ERC1: variants seen among roughly 807,000 people sequenced by gnomAD.
The protein encoded by ERC1 is RAB6 interacting protein 2.
Under a neutral mutation model 132.0 loss-of-function variants are expected in ERC1, and 56 were observed. That is an observed-to-expected ratio of 0.42 (90% CI 0.34 to 0.53). The LOEUF (loss-of-function observed/expected upper bound fraction) is 0.53, where lower values mean the gene tolerates loss of function less well. Among genes scored for constraint, ERC1 ranks in the 20% least tolerant of loss-of-function variants. ERC1 has a pLI of 0.03. For synonymous variants in ERC1, 478 were observed against 476.1 expected, an observed-to-expected ratio of 1.00 and a Z score of -0.05; for missense variants, 1,202 against 1,349.9, an observed-to-expected ratio of 0.89 and a Z score of 1.72.
intron 18 of ERC1, among the ~76,000 whole-genome samples, chr12:1,469,598 C>T (rs540114866): frequency 2.0e-5 from 3 of 152,338 alleles, no homozygotes; most frequent in African/African-American, 7.2e-5. Context: ...GCTTCACCCA[C>T]ACTTTCTGGG....
intron 7 of ERC1, among the ~76,000 whole-genome samples, chr12:1,121,677 A>ATCTCTATCTCTATCTCTATC (rs56044523): frequency 1.2e-4 from 1 of 8,166 alleles, no homozygotes; most frequent in African/African-American, 2.2e-4. Context: ...CTCTATCTCT[A>ATCTCTATCTCTATCTCTATC]TCTATCTCTA....
intron 2 of ERC1, among the ~76,000 whole-genome samples, chr12:1,080,931 CA>C (rs565819115): frequency 0.012 from 1,648 of 135,344 alleles, 20 homozygotes; most frequent in African/African-American, 0.037. Context: ...ACCTTATTTC[CA>C]AAAAAAAAAA....
chr12:1,335,081 C>T lies in ERC1; in HGVS notation c.2781-36752C>T, dbSNP rs552866638. Among the ~76,000 whole-genome samples the T allele has an allele frequency of 4.0e-4, 61 of 152,162 alleles. 1 individual carries two copies. Among genetic ancestry groups the T allele is most frequent in the Admixed American group, 1.0e-3 (16 of 15,272 alleles). ...TGATATCTGTATATTGATTTCGTAT[C>T]CTGAAAGTTTGCTGAAGTTTTTTTA... On this transcript the variant is annotated intron_variant, in intron 15 of 18. Transcript: ENST00000360905.
chr12:1,036,213 G>A (rs1041837557), intron 2 of ERC1, among the ~76,000 whole-genome samples: 2 of 151,830 alleles, frequency 1.3e-5, no homozygotes, highest in African/African-American at 4.8e-5. Flanking sequence ...TAGGAATCGA[G>A]AATTTCTAGT....
chr12:996,993 A>T (rs1159981659), intron 1 of ERC1, among the ~76,000 whole-genome samples: 1 of 152,192 alleles, frequency 6.6e-6, no homozygotes, highest in Admixed American at 6.5e-5. Flanking sequence ...GTTATAGCTT[A>T]CTGCAACCTT....
chr12:1,293,326 G>A (rs574707644), intron 15 of ERC1, among the ~76,000 whole-genome samples: 82 of 148,898 alleles, frequency 5.5e-4, no homozygotes, highest in East Asian at 2.2e-3. Context: ...GGTGGCGGGC[G>A]CCTGTAGTCC....
At chr12:1,486,488 GA>G (rs1389966010) in intron 18 of ERC1, among the ~76,000 whole-genome samples, 6 of 151,936 alleles carry the variant, frequency 3.9e-5, no homozygotes, top group Non-Finnish European at 7.4e-5. Context: ...ACAGTGGCAC[GA>G]TCTCGGCTCA....
At chr12:1,084,877 A>C (rs989173760) in intron 3 of ERC1, among the ~76,000 whole-genome samples, 1 of 151,946 alleles carries the variant, frequency 6.6e-6, no homozygotes, top group Non-Finnish European at 1.5e-5. Flanking sequence ...TTAAAAAAAA[A>C]ATTTTGTAGA....
chr12:1,103,579 A>AT (rs1176584247), intron 3 of ERC1, among the ~76,000 whole-genome samples: 3 of 152,102 alleles, frequency 2.0e-5, no homozygotes, highest in African/African-American at 7.2e-5. Flanking sequence ...AAGTGCTTGG[A>AT]TTTTGGGTAT....
intron 5 of ERC1, among the ~76,000 whole-genome samples, chr12:1,110,726 G>A (rs1478114123): frequency 3.3e-5 from 5 of 152,046 alleles, no homozygotes; most frequent in Non-Finnish European, 7.4e-5. Flanking sequence ...GGCTTGAGAT[G>A]GAGTTTCGCT....
intron 15 of ERC1, among the ~76,000 whole-genome samples, chr12:1,304,497 A>G (rs1003654614): frequency 6.6e-6 from 1 of 152,236 alleles, no homozygotes; most frequent in Admixed American, 6.5e-5. Flanking sequence ...GTTTAGAGAT[A>G]GTCTTTAAGG....
At chr12:1,446,612 G>A (rs1488567837) in intron 18 of ERC1, among the ~76,000 whole-genome samples, 1 of 152,154 alleles carries the variant, frequency 6.6e-6, no homozygotes, top group Non-Finnish European at 1.5e-5. Flanking sequence ...AGAACTTCCT[G>A]TGGTGTGATA....
Position 1,272,835 on chromosome 12 carries a change from C to A in ERC1, c.2619+9670C>A, listed in dbSNP as rs2077961059. Among the ~76,000 whole-genome samples, 3 of 151,262 alleles carry A rather than the reference C, an allele frequency of 2.0e-5. No homozygotes were observed. In the South Asian group the frequency reaches 6.3e-4, roughly 32 times the overall value. On this transcript the variant is annotated intron_variant, in intron 14 of 18. Transcript: ENST00000360905. ...CAGTGCTAGGTGCCCATAATCCCAGCTACTTGGGAGGCTGAAGCAGGAGAA... is the reference window on the plus strand; with the variant it reads ...CAGTGCTAGGTGCCCATAATCCCAGATACTTGGGAGGCTGAAGCAGGAGAA...
At chr12:1,457,217 T>C (rs1592173776) in intron 18 of ERC1, among the ~76,000 whole-genome samples, 1 of 152,242 alleles carries the variant, frequency 6.6e-6, no homozygotes. Flanking sequence ...TAAGTCAGTC[T>C]GTGATGTTCC....
intron 12 of ERC1, among the ~76,000 whole-genome samples, chr12:1,192,622 C>T (rs888750108): frequency 7.2e-5 from 11 of 152,168 alleles, no homozygotes; most frequent in Non-Finnish European, 1.0e-4. Flanking sequence ...AAGCCAGTCT[C>T]GTGCAAATTG....
At chr12:1,136,689 T>C (rs558695367) in intron 7 of ERC1, among the ~76,000 whole-genome samples, 99 of 152,350 alleles carry the variant, frequency 6.5e-4, no homozygotes, top group East Asian at 2.3e-3. Flanking sequence ...TACTATCTTT[T>C]CAGGCTTGTC....
At chr12:1,421,179 C>T (rs188016713) in intron 17 of ERC1, among the ~76,000 whole-genome samples, 36 of 152,258 alleles carry the variant, frequency 2.4e-4, no homozygotes, top group Non-Finnish European at 4.3e-4. Context: ...TAATTATAGT[C>T]ACCTTATAGT....
intron 2 of ERC1, among the ~76,000 whole-genome samples, chr12:1,062,031 C>T (rs566139105): frequency 2.1e-5 from 3 of 141,740 alleles, no homozygotes; most frequent in African/African-American, 8.0e-5. Context: ...TGCTCTGTCA[C>T]CCAGGCTGGA....
chr12:1,193,660 G>A (rs545080577), intron 12 of ERC1, among the ~76,000 whole-genome samples: 38 of 152,288 alleles, frequency 2.5e-4, no homozygotes, highest in African/African-American at 6.0e-4. Context: ...AGAGAAGATC[G>A]TGAGCAGGAT....
Sources: allele counts gnomAD v4.1 joint callset (sites outside exome capture counted in the v4.1 genomes callset), GRCh38; gene constraint gnomAD v4.1.1; transcripts MANE v1.5; gene names NCBI Gene and HGNC (gene_info 2026-07-23, HGNC 2026-07-21).